Variants in LRRC4C observed in about 807,000 individuals in gnomAD.
LRRC4C encodes leucine-rich repeat-containing protein 4C.
A neutral mutation model predicts 33.6 loss-of-function variants in LRRC4C; 5 were observed. That is an observed-to-expected ratio of 0.15 (90% CI 0.08 to 0.31). The LOEUF (loss-of-function observed/expected upper bound fraction) is 0.31. LRRC4C is among the 10% of genes least tolerant of loss of function. The probability of loss-of-function intolerance (pLI) is 1.00; values close to 1 mark genes in which losing one functional copy is unlikely to be tolerated. For synonymous variants in LRRC4C, 329 were observed against 302.0 expected, an observed-to-expected ratio of 1.09 and a Z score of -0.93; for missense variants, 560 against 796.7, an observed-to-expected ratio of 0.70 and a Z score of 3.58.
intron 4 of LRRC4C, among the ~76,000 whole-genome samples, chr11:40,314,980 T>G (rs547300366): frequency 7.2e-5 from 11 of 152,146 alleles, no homozygotes; most frequent in African/African-American, 2.4e-4. Flanking sequence ...TTTCTTGTGC[T>G]GTATATCACT....
rs902156039 is a variant in LRRC4C at position 40,292,521 on chromosome 11, C to T, written c.-176+27107G>A. ...AAAACACCACCACACCAGTTCTTTACTTTACTAAAAAAGCCCCAAACTTTT... is the reference window on the plus strand; with the variant it reads ...AAAACACCACCACACCAGTTCTTTATTTTACTAAAAAAGCCCCAAACTTTT... On this transcript the variant is annotated intron_variant, in intron 4 of 6. Transcript: ENST00000528697. 6.0e-5 allele frequency: 9 copies of T among 150,534 alleles called. No homozygotes were observed. In the South Asian group the frequency reaches 6.2e-4, roughly 10 times the overall value. The allele number at this position is 150,534 out of a possible 1,614,324, so 9.3% of individuals were successfully genotyped here.
chr11:40,996,619 T>G (rs1853991985), intron 1 of LRRC4C, among the ~76,000 whole-genome samples: 1 of 152,066 alleles, frequency 6.6e-6, no homozygotes, highest in Non-Finnish European at 1.5e-5. Flanking sequence ...TGAGGTTAAG[T>G]AATTTATAAA....
intron 3 of LRRC4C, among the ~76,000 whole-genome samples, chr11:40,520,571 T>C (rs1231722963): frequency 6.6e-6 from 1 of 152,212 alleles, no homozygotes; most frequent in African/African-American, 2.4e-5. Flanking sequence ...TTAAATTGGC[T>C]ATTTATATGG....
intron 1 of LRRC4C, among the ~76,000 whole-genome samples, chr11:41,276,748 A>G (rs1949496918): frequency 6.6e-6 from 1 of 152,290 alleles, no homozygotes; most frequent in Non-Finnish European, 1.5e-5. Flanking sequence ...AGTACACCCA[A>G]TGTAATCACA....
At chr11:41,177,164 G>A (rs1945240676) in intron 1 of LRRC4C, among the ~76,000 whole-genome samples, 2 of 152,134 alleles carry the variant, frequency 1.3e-5, no homozygotes. Flanking sequence ...GAGTGGATAT[G>A]TCTGGCATAT....
intron 1 of LRRC4C, among the ~76,000 whole-genome samples, chr11:41,227,713 A>C (rs1241396597): frequency 6.6e-6 from 1 of 152,056 alleles, no homozygotes; most frequent in Non-Finnish European, 1.5e-5. Flanking sequence ...GATATAGTTT[A>C]AATAATTGAA....
intron 3 of LRRC4C, among the ~76,000 whole-genome samples, chr11:40,423,339 CTT>C (rs35819704): frequency 7.7e-5 from 7 of 90,930 alleles, no homozygotes; most frequent in Middle Eastern, 0.01. Context: ...TGTTCATGTT[CTT>C]TTTTTTTTTT....
At chr11:41,123,258 T>TTTTTA (rs1942543991) in intron 1 of LRRC4C, among the ~76,000 whole-genome samples, 1 of 45,502 alleles carries the variant, frequency 2.2e-5, no homozygotes, top group Non-Finnish European at 5.6e-5. Context: ...TGAGCTATGT[T>TTTTTA]TTGTTTTTTT....
At chr11:40,436,169 C>T (rs897770701) in intron 3 of LRRC4C, among the ~76,000 whole-genome samples, 5 of 152,156 alleles carry the variant, frequency 3.3e-5, no homozygotes. Flanking sequence ...TAAATGGTTG[C>T]TATAGTCTAG....
intron 1 of LRRC4C, among the ~76,000 whole-genome samples, chr11:41,391,325 T>G (rs1953586035): frequency 6.6e-6 from 1 of 151,772 alleles, no homozygotes; most frequent in Non-Finnish European, 1.5e-5. Flanking sequence ...TTACCACAAG[T>G]GGAGCAGGGG....
chr11:40,814,111 C>T (rs2135409638), intron 2 of LRRC4C, among the ~76,000 whole-genome samples: 1 of 152,290 alleles, frequency 6.6e-6, no homozygotes, highest in East Asian at 1.9e-4. Flanking sequence ...TGTGTGGGGG[C>T]TCCAACCCCA....
intron 1 of LRRC4C, among the ~76,000 whole-genome samples, chr11:41,170,208 C>T (rs968557885): frequency 6.6e-6 from 1 of 152,018 alleles, no homozygotes; most frequent in Admixed American, 6.6e-5. Context: ...CAATGCCATC[C>T]CCATCAAGCT....
intron 3 of LRRC4C, among the ~76,000 whole-genome samples, chr11:40,505,541 T>C (rs1954991752): frequency 6.6e-6 from 1 of 152,156 alleles, no homozygotes; most frequent in African/African-American, 2.4e-5. Context: ...CCCACCTCAG[T>C]GAAGTCATTT....
At chr11:40,830,091 G>A (rs1478185053) in intron 2 of LRRC4C, among the ~76,000 whole-genome samples, 1 of 151,850 alleles carries the variant, frequency 6.6e-6, no homozygotes, top group African/African-American at 2.4e-5. Context: ...GAGGCCTTAA[G>A]GAATAAAAAC....
intron 3 of LRRC4C, among the ~76,000 whole-genome samples, chr11:40,417,700 T>A (rs1245394530): frequency 6.6e-6 from 1 of 152,016 alleles, no homozygotes; most frequent in Non-Finnish European, 1.5e-5. Flanking sequence ...GCTCACTCAT[T>A]CATCCATTTA....
At chr11:41,276,265 A>G (rs1046408439) in intron 1 of LRRC4C, among the ~76,000 whole-genome samples, 16 of 152,160 alleles carry the variant, frequency 1.1e-4, no homozygotes, top group African/African-American at 3.9e-4. Context: ...GAACATTCTT[A>G]TCTCTACAGA....
At chr11:40,948,398 G>C (rs1367074543) in intron 1 of LRRC4C, among the ~76,000 whole-genome samples, 1 of 151,268 alleles carries the variant, frequency 6.6e-6, no homozygotes, top group African/African-American at 2.4e-5. Flanking sequence ...TTAAGTTTTA[G>C]TGTACATGTG....
chr11:40,480,308 T>C (rs954310359), intron 3 of LRRC4C, among the ~76,000 whole-genome samples: 1 of 151,680 alleles, frequency 6.6e-6, no homozygotes, highest in Admixed American at 6.6e-5. Context: ...TTAATCTACT[T>C]TGAGCCTCAG....
intron 1 of LRRC4C, among the ~76,000 whole-genome samples, chr11:41,335,375 G>A (rs1352727043): frequency 6.6e-6 from 1 of 152,084 alleles, no homozygotes; most frequent in East Asian, 1.9e-4. Flanking sequence ...CTACCAAAAT[G>A]TTACCCACCA....
Sources: gnomAD v4.1 joint callset for allele counts (sites outside exome capture counted in the v4.1 genomes callset) on GRCh38, gnomAD v4.1.1 for gene constraint, MANE v1.5 for transcripts, NCBI Gene and HGNC (gene_info 2026-07-23, HGNC 2026-07-21) for gene names.